VAV1: variants seen among roughly 807,000 people sequenced by gnomAD.
VAV1 encodes vav guanine nucleotide exchange factor 1.
VAV1 carries 33 observed loss-of-function variants against 128.1 expected under a neutral mutation model. The observed-to-expected ratio is 0.26, with a 90% confidence interval of 0.20 to 0.34. The LOEUF is 0.34. Ranked by LOEUF, VAV1 falls within the 10% of genes least tolerant of loss-of-function variation. The pLI, the probability that VAV1 is intolerant of heterozygous loss-of-function variation, is 1.00. For synonymous variants in VAV1, 394 were observed against 409.8 expected (o/e 0.96, Z 0.47); for missense variants, 715 against 1,093.7 (o/e 0.65, Z 4.88).
intron 26 of VAV1, 52 bp from the exon 27 acceptor site, chr19:6,857,002 C>A (rs1972820257): frequency 3.9e-6 from 6 of 1,550,650 alleles, no homozygotes; most frequent in Non-Finnish European, 5.3e-6. Context: ...TGTGGAGGGG[C>A]AGTAGGAGGA....
At position 6,828,844 on chromosome 19, in the gene VAV1, C is replaced by G. The variant is rs1412737265; in HGVS notation, c.1209C>G (p.Pro403=). The G allele has an allele frequency of 1.2e-6, 2 of 1,614,170 alleles. No homozygotes were observed. The highest frequency in any genetic ancestry group is 1.7e-4 in the Middle Eastern group (1 of 6,060). Residue 403 remains proline (P), a synonymous_variant, in exon 13 of 27, where the codon CCC becomes CCG. Coordinates refer to ENST00000602142, the MANE Select transcript of VAV1 (RefSeq NM_005428.4). The surrounding 1 kb of genome is among the most constrained non-coding windows in gnomAD (Gnocchi z 4.5). ...LDQSLAHYGR[P]KIDGELKITS... The stretch of plus-strand genomic sequence containing the variant: ...AGTCTCTGGCTCACTATGGCCGGCC[C>G]AAGATCGACGGGGAACTCAAGATCA...
In VAV1 at chr19:6,822,007, A is replaced by C; in HGVS notation, c.449+148A>C. On this transcript the variant is annotated intron_variant, in intron 4 of 26. Coordinates refer to ENST00000602142, the MANE Select transcript of VAV1 (RefSeq NM_005428.4). This position sits in a 1 kb window ranked among gnomAD's most constrained non-coding sequence, Gnocchi z 5.9. ...ACCTTGCCTGAGAGTCTGGGGAGAC[A>C]CAGCCCTGCCCTGGGGTCTTGGGGG... 8.4e-7 allele frequency: 1 copy of C among 1,197,382 alleles called. No homozygotes were observed. The highest frequency in any genetic ancestry group is 1.2e-6 in the Non-Finnish European group (1 of 820,184). The allele number at this position is 1,197,382 out of a possible 1,614,324, so 74.2% of individuals were successfully genotyped here.
chr19:6,789,828 AC>A (rs1970978214), intron 1 of VAV1, among the ~76,000 whole-genome samples: 1 of 148,584 alleles, frequency 6.7e-6, no homozygotes, highest in South Asian at 2.1e-4. Context: ...GGAACTCCTG[AC>A]CTCAAGTGAC....
chr19:6,796,759 A>AT (rs1971145456), intron 1 of VAV1, among the ~76,000 whole-genome samples: 1 of 151,822 alleles, frequency 6.6e-6, no homozygotes, highest in African/African-American at 2.4e-5. Context: ...TTTCCTACTT[A>AT]TTTTTTTCTC....
intron 1 of VAV1, among the ~76,000 whole-genome samples, chr19:6,798,004 G>A (rs916362898): frequency 3.3e-5 from 5 of 151,744 alleles, no homozygotes; most frequent in African/African-American, 7.3e-5. Context: ...TTGGTGGGGC[G>A]CGGTGGCTCA....
chr19:6,853,391 G>A (rs1972714575), intron 25 of VAV1, among the ~76,000 whole-genome samples: 1 of 151,658 alleles, frequency 6.6e-6, no homozygotes, highest in African/African-American at 2.4e-5. Context: ...TCATGCCTCA[G>A]CCTCAAAATA....
intron 13 of VAV1, among the ~76,000 whole-genome samples, 161 bp from the exon 14 acceptor site, chr19:6,829,625 C>T (rs1481701778): frequency 6.6e-6 from 1 of 151,960 alleles, no homozygotes; most frequent in Non-Finnish European, 1.5e-5. Flanking sequence ...AGGGCCAATG[C>T]GGATCACGTG....
At chr19:6,807,720 G>A (rs932301678) in intron 1 of VAV1, among the ~76,000 whole-genome samples, 7 of 151,682 alleles carry the variant, frequency 4.6e-5, no homozygotes, top group Non-Finnish European at 7.4e-5. Flanking sequence ...TTAAAAAAAA[G>A]TTAAAATCAC....
At position 6,806,083 on chromosome 19, in the gene VAV1, TG is replaced by T. The variant is rs1971390553; in HGVS notation, c.205-14618del. The stretch of plus-strand genomic sequence containing the variant: ...CCAAATGCAGCCTGCCACCTGTTTT[TG>T]TAAATGAAGCTCTTTTTTTTGAGAT... On this transcript the variant is annotated intron_variant, in intron 1 of 26. Coordinates refer to ENST00000602142, the MANE Select transcript of VAV1 (RefSeq NM_005428.4). Among the ~76,000 whole-genome samples, 6 of 152,248 alleles carry T rather than the reference TG, an allele frequency of 3.9e-5. No individual in the cohort carries two copies. In the South Asian group the frequency reaches 1.0e-3, roughly 26 times the overall value.
At chr19:6,776,073 C>A (rs1409683165) in intron 1 of VAV1, among the ~76,000 whole-genome samples, 2 of 143,808 alleles carry the variant, frequency 1.4e-5, no homozygotes, top group African/African-American at 5.3e-5. Context: ...TCCATCCATC[C>A]ATTTATCCAT....
Position 6,829,931 on chromosome 19 carries a change from C to T in VAV1, c.1398+13C>T. ...AGACAACAAGAAGGTGGGGCTTTGA[C>T]GCCGGAACTATGGGGTCCTCCACGC... On this transcript the variant is annotated intron_variant, in intron 14 of 26. Coordinates refer to ENST00000602142, the MANE Select transcript of VAV1 (RefSeq NM_005428.4). 1 of 1,614,036 alleles carries T rather than the reference C, an allele frequency of 6.2e-7. No individual in the cohort carries two copies. The highest frequency in any genetic ancestry group is 8.5e-7 in the Non-Finnish European group (1 of 1,180,008).
intron 1 of VAV1, among the ~76,000 whole-genome samples, chr19:6,784,526 C>G (rs1405579549): frequency 6.8e-6 from 1 of 147,632 alleles, no homozygotes; most frequent in African/African-American, 2.5e-5. Flanking sequence ...CAGAGTTTCA[C>G]TCTCTCTCCC....
intron 1 of VAV1, among the ~76,000 whole-genome samples, chr19:6,775,549 T>A (rs1970602682): frequency 6.6e-6 from 1 of 152,184 alleles, no homozygotes; most frequent in African/African-American, 2.4e-5. Context: ...TTTTTCTCAT[T>A]GTTCTGGCTT....
At chr19:6,843,227 G>A (rs1443384457) in intron 22 of VAV1, 61 bp downstream of exon 22, 1 of 1,587,648 alleles carries the variant, frequency 6.3e-7, no homozygotes, top group African/African-American at 1.3e-5. Context: ...TTCCAGGCTG[G>A]GTATGGGAGG....
chr19:6,814,671 C>CTTTCCTTCTTTCTTTCTTTCTTT (rs540074087), intron 1 of VAV1, among the ~76,000 whole-genome samples: 6 of 25,796 alleles, frequency 2.3e-4, no homozygotes, highest in South Asian at 1.4e-3. Context: ...TTCCTTCCTT[C>CTTTCCTTCTTTCTTTCTTTCTTT]CTTTCTTTCT....
chr19:6,806,506 T>C (rs925702310), intron 1 of VAV1, among the ~76,000 whole-genome samples: 1 of 152,240 alleles, frequency 6.6e-6, no homozygotes, highest in Admixed American at 6.5e-5. Context: ...AAGGACTGCA[T>C]GTCTCTGTGA....
intron 19 of VAV1, among the ~76,000 whole-genome samples, chr19:6,835,563 C>T (rs1972201306): frequency 6.6e-6 from 1 of 152,198 alleles, no homozygotes; most frequent in South Asian, 2.1e-4. Context: ...TAGGGAACCA[C>T]TGTCTGACCT....
intron 1 of VAV1, among the ~76,000 whole-genome samples, chr19:6,781,340 T>G (rs1170326118): frequency 6.6e-6 from 1 of 152,210 alleles, no homozygotes; most frequent in Non-Finnish European, 1.5e-5. Flanking sequence ...TTATTTCAAT[T>G]ATACCACCAC....
At chr19:6,847,883 CTG>C in intron 22 of VAV1, 113 bp from the exon 23 acceptor site, 6 of 933,254 alleles carry the variant, frequency 6.4e-6, no homozygotes, top group Non-Finnish European at 9.0e-6. Flanking sequence ...TAGAGCCAGG[CTG>C]TCACCAACTT....
Sources: allele counts gnomAD v4.1 joint callset (sites outside exome capture counted in the v4.1 genomes callset), GRCh38; gene constraint gnomAD v4.1.1; non-coding constraint Gnocchi (gnomAD v3.1); transcripts MANE v1.5; gene names NCBI Gene and HGNC (gene_info 2026-07-23, HGNC 2026-07-21).